Variants in NCAM1 observed in about 807,000 individuals in gnomAD.
NCAM1 encodes the protein antigen recognized by monoclonal antibody 5.1H11.
A neutral mutation model predicts 109.8 loss-of-function variants in NCAM1; 14 were observed. The ratio of observed to expected loss-of-function variants is 0.13; its 90% CI spans 0.08 to 0.20. The LOEUF (loss-of-function observed/expected upper bound fraction) is 0.20. Ranked by LOEUF, NCAM1 falls within the 10% of genes least tolerant of loss-of-function variation. The pLI, the probability that NCAM1 is intolerant of heterozygous loss-of-function variation, is 1.00. For synonymous variants in NCAM1, 418 were observed against 442.9 expected (o/e 0.94, Z 0.70); for missense variants, 774 against 1,109.9 (o/e 0.70, Z 4.30).
At chr11:113,117,968 C>A (rs141713182) in intron 1 of NCAM1, among the ~76,000 whole-genome samples, 73 of 151,826 alleles carry the variant, frequency 4.8e-4, no homozygotes, top group Non-Finnish European at 7.6e-4. Context: ...GCCATTTAGA[C>A]CTGAGAGTGA....
At chr11:113,146,122 T>C (rs1942009061) in intron 1 of NCAM1, among the ~76,000 whole-genome samples, 1 of 152,240 alleles carries the variant, frequency 6.6e-6, no homozygotes. Flanking sequence ...CGAGAAGAGA[T>C]ATTAAATCTC....
Position 113,277,736 on chromosome 11 carries a change from A to AC in NCAM1, c.*2354dup, listed in dbSNP as rs1385548093. 3.1e-5 allele frequency: 8 copies of AC among 258,872 alleles called. No individual in the cohort carries two copies. Among genetic ancestry groups the AC allele is most frequent in the African/African-American group, 1.4e-4 (6 of 44,066 alleles). 16.0% of individuals were successfully genotyped at this position (258,872 alleles called of 1,614,324 possible). A position where few individuals can be genotyped will look rare whatever the true frequency, so the allele number is the denominator to read the frequency against. On this transcript the variant is annotated 3_prime_UTR_variant, in exon 20 of 20. Transcript: ENST00000316851. ...CAGATCACCTGGCCCGGGACAGCTGACCCCCTAGAACCCTGGCTCTGCCAT... is the reference window on the plus strand; with the variant it reads ...CAGATCACCTGGCCCGGGACAGCTGACCCCCCTAGAACCCTGGCTCTGCCAT...
At chr11:113,005,105 A>G (rs1314483851) in intron 1 of NCAM1, among the ~76,000 whole-genome samples, 1 of 151,746 alleles carries the variant, frequency 6.6e-6, no homozygotes, top group Non-Finnish European at 1.5e-5. Context: ...TAGTGGTTCT[A>G]GTTGATGTTT....
chr11:113,128,437 A>G (rs374436281), intron 1 of NCAM1, among the ~76,000 whole-genome samples: 8 of 152,206 alleles, frequency 5.3e-5, no homozygotes, highest in South Asian at 4.1e-4. Flanking sequence ...TTTGGATACA[A>G]GAGTCTGTGG....
intron 1 of NCAM1, among the ~76,000 whole-genome samples, chr11:113,104,446 A>G (rs1940053929): frequency 6.6e-6 from 1 of 152,078 alleles, no homozygotes; most frequent in African/African-American, 2.4e-5. Flanking sequence ...GTGAATGAGT[A>G]TAATGCATTT....
rs965254388 is a variant in NCAM1, at chr11:113,240,494, C to T, written c.1825+5330C>T. On this transcript the variant is annotated intron_variant, in intron 14 of 19. Transcript: ENST00000316851. ...TATGGAGACAGCTGGTCCTGCTGAA[C>T]TGGATATTTGTTTTCAGTCAAGGTT... 7.2e-5 allele frequency: 32 copies of T among 444,278 alleles called. No homozygotes were observed. The South Asian group carries it at 1.2e-3, about 17-fold the overall frequency. The allele number at this position is 444,278 out of a possible 1,614,324, so 27.5% of individuals were successfully genotyped here.
intron 1 of NCAM1, among the ~76,000 whole-genome samples, chr11:113,127,506 GGAA>G (rs1941224507): frequency 6.6e-6 from 1 of 152,132 alleles, no homozygotes; most frequent in African/African-American, 2.4e-5. Context: ...AGATTATAAT[GGAA>G]GTATAAATGC....
intron 14 of NCAM1, among the ~76,000 whole-genome samples, chr11:113,241,808 A>G (rs1253418438): frequency 6.6e-6 from 1 of 152,242 alleles, no homozygotes; most frequent in Non-Finnish European, 1.5e-5. Flanking sequence ...GCAAATGGGC[A>G]GGCAGGGTGG....
chr11:113,131,721 C>T (rs1004986812), intron 1 of NCAM1, among the ~76,000 whole-genome samples: 2 of 152,162 alleles, frequency 1.3e-5, no homozygotes, highest in Non-Finnish European at 2.9e-5. Flanking sequence ...CCCAGACGTC[C>T]CCAGCCAGGC....
intron 1 of NCAM1, among the ~76,000 whole-genome samples, chr11:113,161,136 T>A (rs1942588153): frequency 6.6e-6 from 1 of 152,152 alleles, no homozygotes; most frequent in Admixed American, 6.5e-5. Context: ...AGAAAAAAAT[T>A]GAAAATCTCT....
intron 1 of NCAM1, among the ~76,000 whole-genome samples, chr11:113,152,030 A>G (rs1401668951): frequency 6.6e-6 from 1 of 152,160 alleles, no homozygotes; most frequent in African/African-American, 2.4e-5. Flanking sequence ...CACACCTAGA[A>G]TGGGTCATTT....
chr11:113,028,768 A>G (rs1952633392), intron 1 of NCAM1, among the ~76,000 whole-genome samples: 1 of 152,224 alleles, frequency 6.6e-6, no homozygotes, highest in Middle Eastern at 3.2e-3. Context: ...TACTTTATAA[A>G]TATCGGCTTA....
At chr11:113,001,280 G>A (rs549012956) in intron 1 of NCAM1, among the ~76,000 whole-genome samples, 2 of 152,158 alleles carry the variant, frequency 1.3e-5, no homozygotes, top group Non-Finnish European at 2.9e-5. Context: ...AGGTTTCCTG[G>A]AGCATAGAAG....
chr11:113,236,458 T>C, intron 14 of NCAM1: 1 of 876,450 alleles, frequency 1.1e-6, no homozygotes, highest in Non-Finnish European at 1.8e-6. Context: ...ACACTGACCT[T>C]AGTCTAGTTG....
At chr11:112,969,862 G>A (rs1950828007) in intron 1 of NCAM1, among the ~76,000 whole-genome samples, 1 of 152,202 alleles carries the variant, frequency 6.6e-6, no homozygotes, top group South Asian at 2.1e-4. Flanking sequence ...CTTAGTTCAA[G>A]CTGCGAAGAA....
At chr11:113,221,067 C>A (rs1029012863) in intron 8 of NCAM1, among the ~76,000 whole-genome samples, 8 of 152,118 alleles carry the variant, frequency 5.3e-5, no homozygotes. Flanking sequence ...AAACCTGAAC[C>A]TTTTGAATTA....
At chr11:113,268,417 G>A (rs1344396703) in intron 17 of NCAM1, among the ~76,000 whole-genome samples, 16 of 152,160 alleles carry the variant, frequency 1.1e-4, no homozygotes, top group African/African-American at 3.6e-4. Flanking sequence ...TCTTCAGTGC[G>A]AGGTCAGCAG....
chr11:113,139,902 T>C (rs1423572810), intron 1 of NCAM1, among the ~76,000 whole-genome samples: 1 of 152,232 alleles, frequency 6.6e-6, no homozygotes, highest in Admixed American at 6.5e-5. Context: ...TGTTTTCTAG[T>C]GATATTTTAA....
At chr11:113,142,008 C>T (rs1267248560) in intron 1 of NCAM1, among the ~76,000 whole-genome samples, 1 of 152,194 alleles carries the variant, frequency 6.6e-6, no homozygotes, top group East Asian at 1.9e-4. Flanking sequence ...ATAAGCTTAA[C>T]TGTTTTGACA....
Sources: gnomAD v4.1 joint callset for allele counts (sites outside exome capture counted in the v4.1 genomes callset) on GRCh38, gnomAD v4.1.1 for gene constraint, MANE v1.5 for transcripts, NCBI Gene and HGNC (gene_info 2026-07-23, HGNC 2026-07-21) for gene names.